Variants in FUCA2 observed in about 807,000 individuals in gnomAD.
FUCA2 encodes the protein plasma alpha-L-fucosidase.
A neutral mutation model predicts 52.6 loss-of-function variants in FUCA2; 41 were observed. The observed-to-expected ratio is 0.78, with a 90% CI of 0.61 to 1.01. The LOEUF (loss-of-function observed/expected upper bound fraction) is 1.01, where lower values mean the gene tolerates loss of function less well. FUCA2 is among the 50% of genes least tolerant of loss of function. The pLI is 0.00. For missense variants in FUCA2, 507 were observed against 569.5 expected (o/e 0.89, Z 1.12); for synonymous variants, 211 against 217.3 (o/e 0.97, Z 0.26).
In FUCA2 at chr6:143,507,127, AT is replaced by A. The variant is rs1780618579; in HGVS notation, c.412+109del. 2.0e-6 allele frequency: 2 copies of A among 991,232 alleles called. No individual in the cohort carries two copies. The highest frequency in any genetic ancestry group is 2.9e-6 in the Non-Finnish European group (2 of 681,076). 61.4% of individuals were successfully genotyped at this position (991,232 alleles called of 1,614,324 possible). ...CATAAGCAAGTGCCAGTCACCACTT[AT>A]GGTTGCTCCGAAGAGAAAATTAGAC... is the stretch of plus-strand genomic sequence containing the variant. On this transcript the variant is annotated intron_variant, in intron 2 of 6. Coordinates refer to ENST00000002165, the MANE Select transcript of FUCA2 (RefSeq NM_032020.5). This position sits in a 1 kb window ranked among gnomAD's most constrained non-coding sequence, Gnocchi z 4.5.
chr6:143,508,607 A>G (rs565441976), intron 1 of FUCA2, among the ~76,000 whole-genome samples: 1 of 152,354 alleles, frequency 6.6e-6, no homozygotes, highest in Admixed American at 6.5e-5. Flanking sequence ...GGGAAAGCCA[A>G]CTTTGGGGAC....
chr6:143,504,296 T>C lies in FUCA2; in HGVS notation c.413-44A>G. 2 of 1,507,392 alleles carry C rather than the reference T, an allele frequency of 1.3e-6. No individual in the cohort carries two copies. The highest frequency in any genetic ancestry group is 2.3e-5 in the East Asian group (1 of 44,096). 93.4% of individuals were successfully genotyped at this position (1,507,392 alleles called of 1,614,324 possible). A position where few individuals can be genotyped will look rare whatever the true frequency, so the allele number is the denominator to read the frequency against. On this transcript the variant is annotated intron_variant, in intron 2 of 6. Coordinates refer to ENST00000002165, the MANE Select transcript of FUCA2 (RefSeq NM_032020.5). This position sits in a 1 kb window ranked among gnomAD's most constrained non-coding sequence, Gnocchi z 4.4. ...AACCCTTGTAAGCATGTCAACTTTA[T>C]TTTAGTAAATTTCAACCCACACAAA...
chr6:143,509,559 T>G lies in FUCA2; in HGVS notation c.224+1852A>C, dbSNP rs1780656449. 6.6e-6 allele frequency among the ~76,000 whole-genome samples: 1 copy of G among 152,222 alleles called. No homozygotes were observed. The highest frequency in any genetic ancestry group is 2.1e-4 in the South Asian group (1 of 4,834). Reference sequence around the variant, plus strand: ...AATCCTCTTTGGCACCAATATATCTTTACCTAATCTTCATGGTTGAACAAA... The same window carrying G: ...AATCCTCTTTGGCACCAATATATCTGTACCTAATCTTCATGGTTGAACAAA... On this transcript the variant is annotated intron_variant, in intron 1 of 6. Coordinates refer to ENST00000002165, the MANE Select transcript of FUCA2 (RefSeq NM_032020.5). This position sits in a 1 kb window ranked among gnomAD's most constrained non-coding sequence, Gnocchi z 5.4.
In FUCA2 at chr6:143,511,635, G is replaced by T. The variant is rs183432317; in HGVS notation, c.-1C>A. ...GCCTGGGGAGCTCCTGGGGCCGCAT[G>T]TCCCGGCGCAGGCCGGCTGTCCTCT... On this transcript the variant is annotated 5_prime_UTR_variant, in exon 1 of 7. Transcript: ENST00000002165. This position sits in a 1 kb window ranked among gnomAD's most constrained non-coding sequence, Gnocchi z 6.3. The T allele has an allele frequency of 9.9e-5, 149 of 1,512,628 alleles. No homozygotes were observed. In the East Asian group the frequency reaches 3.6e-3, roughly 37 times the overall value. The allele number at this position is 1,512,628 out of a possible 1,614,324, so 93.7% of individuals were successfully genotyped here. A position where few individuals can be genotyped will look rare whatever the true frequency, so the allele number is the denominator to read the frequency against.
rs201539810 is a variant in FUCA2 at position 143,497,476 on chromosome 6, T to C, written c.1176A>G (p.Glu392=). ...PDVWYTSKPK[E]KLVYAIFLKW... ...TAAGAAAAATGGCATAGACTAATTT[T>C]TCTTTAGGCTTGGATGTGTACCTGG... The change falls in exon 6 of 7, where the codon GAA becomes GAG. Residue 392 remains glutamate, a synonymous_variant. Transcript: ENST00000002165. This position sits in a 1 kb window ranked among gnomAD's most constrained non-coding sequence, Gnocchi z 5.3. 8.1e-6 allele frequency: 13 copies of C among 1,612,366 alleles called. No individual in the cohort carries two copies. Among genetic ancestry groups the C allele is most frequent in the Non-Finnish European group, 1.1e-5 (13 of 1,178,542 alleles).
In FUCA2 at chr6:143,501,293, C is replaced by G. The variant is rs184984639; in HGVS notation, c.1154+639G>C. On this transcript the variant is annotated intron_variant, in intron 5 of 6. Coordinates refer to ENST00000002165, the MANE Select transcript of FUCA2 (RefSeq NM_032020.5). This position sits in a 1 kb window ranked among gnomAD's most constrained non-coding sequence, Gnocchi z 6.1. ...TTGAAGAACAATTAGTCTAATCTTT[C>G]GGTTCCTATTTGATCAGACAGTACT... is the stretch of plus-strand genomic sequence containing the variant. 5.7e-4 allele frequency among the ~76,000 whole-genome samples: 87 copies of G among 152,272 alleles called. No homozygotes were observed. Among genetic ancestry groups the G allele is most frequent in the African/African-American group, 1.5e-3 (64 of 41,550 alleles).
Position 143,501,822 on chromosome 6 carries a change from T to C in FUCA2, c.1154+110A>G, listed in dbSNP as rs2073792050. 2.2e-6 allele frequency: 2 copies of C among 911,734 alleles called. No individual in the cohort carries two copies. Among genetic ancestry groups the C allele is most frequent in the Non-Finnish European group, 1.6e-6 (1 of 611,866 alleles). The allele number at this position is 911,734 out of a possible 1,614,324, so 56.5% of individuals were successfully genotyped here. ...AGCAAAGTTTGGAAAGTGCTTTGTA[T>C]ATGTAGGAATTCATCCAATTTCTCT... is the stretch of plus-strand genomic sequence containing the variant. On this transcript the variant is annotated intron_variant, in intron 5 of 6. Coordinates refer to ENST00000002165, the MANE Select transcript of FUCA2 (RefSeq NM_032020.5). The surrounding 1 kb of genome is among the most constrained non-coding windows in gnomAD (Gnocchi z 6.1).
At position 143,503,244 on chromosome 6, in the gene FUCA2, A is replaced by G. The variant is rs1229508345; in HGVS notation, c.752+669T>C. 1 of 152,494 alleles carries G rather than the reference A, an allele frequency of 6.6e-6. No individual in the cohort carries two copies. Among genetic ancestry groups the G allele is most frequent in the Non-Finnish European group, 1.5e-5 (1 of 68,306 alleles). The allele number at this position is 152,494 out of a possible 1,614,324, so 9.4% of individuals were successfully genotyped here. ...ATCAAGAGTTCTTCAGAATATTTGT[A>G]TTTGTGCCCTTTGTGGGCCCAGGAA... is the stretch of plus-strand genomic sequence containing the variant. On this transcript the variant is annotated intron_variant, in intron 3 of 6. Transcript: ENST00000002165. The surrounding 1 kb of genome is among the most constrained non-coding windows in gnomAD (Gnocchi z 4.8).
rs994485223 is a variant in FUCA2, at chr6:143,502,241, C to T, written c.963+114G>A. On this transcript the variant is annotated intron_variant, in intron 4 of 6. Transcript: ENST00000002165. This position sits in a 1 kb window ranked among gnomAD's most constrained non-coding sequence, Gnocchi z 4.1. Reference sequence around the variant, plus strand: ...TAGTCACTGCCTAGAAGAACAAACACAGGATAGAACAATGTCCTATATTTA... The same window carrying T: ...TAGTCACTGCCTAGAAGAACAAACATAGGATAGAACAATGTCCTATATTTA... 3.0e-6 allele frequency: 4 copies of T among 1,335,332 alleles called. No homozygotes were observed. Among genetic ancestry groups the T allele is most frequent in the Non-Finnish European group, 4.1e-6 (4 of 964,340 alleles). 82.7% of individuals were successfully genotyped at this position (1,335,332 alleles called of 1,614,324 possible).
rs536292057 is a variant in FUCA2 at position 143,510,482 on chromosome 6, C to CA, written c.224+928dup. ...AAAACCCCGTTTCTACTAAAAAATA[C>CA]AAAAAAATTGGCCAGGCATGGTGGC... On this transcript the variant is annotated intron_variant, in intron 1 of 6. Coordinates refer to ENST00000002165, the MANE Select transcript of FUCA2 (RefSeq NM_032020.5). This position sits in a 1 kb window ranked among gnomAD's most constrained non-coding sequence, Gnocchi z 4.4. Among the ~76,000 whole-genome samples, 1,036 of 151,752 alleles carry CA rather than the reference C, an allele frequency of 6.8e-3. 7 individuals are homozygous for CA. Among genetic ancestry groups the CA allele is most frequent in the African/African-American group, 0.024 (997 of 41,374 alleles).
At chr6:143,508,889 A>G (rs1198105347) in intron 1 of FUCA2, among the ~76,000 whole-genome samples, 2 of 152,092 alleles carry the variant, frequency 1.3e-5, no homozygotes, top group African/African-American at 4.8e-5. Flanking sequence ...TTTATTTATT[A>G]TTGATTAATT....
At chr6:143,506,334 A>C (rs56806297) in intron 2 of FUCA2, 1 of 151,384 alleles carries the variant, frequency 6.6e-6, no homozygotes, top group Admixed American at 6.6e-5. Context: ...GAGACATACC[A>C]CTACGCTAAT....
intron 6 of FUCA2, chr6:143,496,596 A>G (rs1223742634): frequency 1.3e-5 from 2 of 152,218 alleles, no homozygotes; most frequent in African/African-American, 4.8e-5. Flanking sequence ...CTCCAAAGGG[A>G]TAATTTATTT....
rs1239194714 is a variant in FUCA2 at position 143,500,685 on chromosome 6, CA to C, written c.1154+1246del. On this transcript the variant is annotated intron_variant, in intron 5 of 6. Coordinates refer to ENST00000002165, the MANE Select transcript of FUCA2 (RefSeq NM_032020.5). This position sits in a 1 kb window ranked among gnomAD's most constrained non-coding sequence, Gnocchi z 6.9. Reference sequence around the variant, plus strand: ...ATGCAAAGGAACAGGTAACAAAGGTCAAGCGGACAAGACCCCTAGAAGACAG... The same window carrying C: ...ATGCAAAGGAACAGGTAACAAAGGTCAGCGGACAAGACCCCTAGAAGACAG... 1.3e-5 allele frequency among the ~76,000 whole-genome samples: 2 copies of C among 152,122 alleles called. No homozygotes were observed. The highest frequency in any genetic ancestry group is 4.8e-5 in the African/African-American group (2 of 41,416).
intron 6 of FUCA2, chr6:143,496,666 C>T (rs1780464453): frequency 6.6e-6 from 1 of 152,174 alleles, no homozygotes. Flanking sequence ...GTGGTTTCAA[C>T]AGTTAGATTA....
At position 143,503,842 on chromosome 6, in the gene FUCA2, G is replaced by A. The variant is rs1780563123; in HGVS notation, c.752+71C>T. 4 of 1,187,312 alleles carry A rather than the reference G, an allele frequency of 3.4e-6. 1 individual carries two copies. In the South Asian group the frequency reaches 4.7e-5, roughly 14 times the overall value. The allele number at this position is 1,187,312 out of a possible 1,614,324, so 73.5% of individuals were successfully genotyped here. A position where few individuals can be genotyped will look rare whatever the true frequency, so the allele number is the denominator to read the frequency against. ...CTTAAAATGAAATATTTCAAGAGGT[G>A]AAGGAATTAAAATGTTAGAAATATA... is the stretch of plus-strand genomic sequence containing the variant. On this transcript the variant is annotated intron_variant, in intron 3 of 6. Coordinates refer to ENST00000002165, the MANE Select transcript of FUCA2 (RefSeq NM_032020.5). This position sits in a 1 kb window ranked among gnomAD's most constrained non-coding sequence, Gnocchi z 4.8.
rs897195620 is a variant in FUCA2 at position 143,511,161 on chromosome 6, G to C, written c.224+250C>G. Among the ~76,000 whole-genome samples, 12 of 152,182 alleles carry C rather than the reference G, an allele frequency of 7.9e-5. No homozygotes were observed. The highest frequency in any genetic ancestry group is 2.9e-4 in the African/African-American group (12 of 41,436). Reference sequence around the variant, plus strand: ...ATATGCGCAACTATGAAGAAGCTGAGGAGTCAGGAGTATCTGAAAACTCTT... The same window carrying C: ...ATATGCGCAACTATGAAGAAGCTGACGAGTCAGGAGTATCTGAAAACTCTT... On this transcript the variant is annotated intron_variant, in intron 1 of 6. Transcript: ENST00000002165. This position sits in a 1 kb window ranked among gnomAD's most constrained non-coding sequence, Gnocchi z 6.3.
chr6:143,497,575 T>A lies in FUCA2; in HGVS notation c.1155-78A>T. 1.4e-6 allele frequency: 1 copy of A among 732,206 alleles called. No homozygotes were observed. The highest frequency in any genetic ancestry group is 2.3e-6 in the Non-Finnish European group (1 of 440,590). 45.4% of individuals were successfully genotyped at this position (732,206 alleles called of 1,614,324 possible). On this transcript the variant is annotated intron_variant, in intron 5 of 6. Transcript: ENST00000002165. This position sits in a 1 kb window ranked among gnomAD's most constrained non-coding sequence, Gnocchi z 5.3. ...CTCACTATTTATGGATCAGGAACAA[T>A]CTGGAATTATTTTACAGATACTTCC...
chr6:143,511,625 G>A lies in FUCA2; in HGVS notation c.10C>T (p.Gln4Ter). 6.6e-7 allele frequency: 1 copy of A among 1,524,812 alleles called. No individual in the cohort carries two copies. Among genetic ancestry groups the A allele is most frequent in the Non-Finnish European group, 8.8e-7 (1 of 1,135,298 alleles). The allele number at this position is 1,524,812 out of a possible 1,614,324, so 94.5% of individuals were successfully genotyped here. The change falls in exon 1 of 7, where the codon CAG becomes TAG. Residue 4 changes from glutamine (Q) to a stop codon, truncating the protein, a stop_gained. Transcript: ENST00000002165. LOFTEE classifies it high-confidence loss of function. The surrounding 1 kb of genome is among the most constrained non-coding windows in gnomAD (Gnocchi z 6.3). MRP[Q>*]ELPRLAFPLL... ...GGGAACGCGAGCCTGGGGAGCTCCT[G>A]GGGCCGCATGTCCCGGCGCAGGCCG...
Sources: allele counts gnomAD v4.1 joint callset (sites outside exome capture counted in the v4.1 genomes callset), GRCh38; gene constraint gnomAD v4.1.1; non-coding constraint Gnocchi (gnomAD v3.1); transcripts MANE v1.5; gene names NCBI Gene and HGNC (gene_info 2026-07-23, HGNC 2026-07-21).